The following SMAD2 variants were observed in gnomAD, a reference collection of about 807,000 sequenced individuals.
The protein encoded by SMAD2 is SMAD family member 2.
Under a neutral mutation model 64.4 loss-of-function variants are expected in SMAD2, and 8 were observed. The ratio of observed to expected loss-of-function variants is 0.12; its 90% CI spans 0.07 to 0.22. The LOEUF is 0.22. SMAD2 is among the 10% of genes least tolerant of loss of function. The pLI is 1.00. For synonymous variants in SMAD2, 203 were observed against 195.8 expected (o/e 1.04, Z -0.31); for missense variants, 289 against 561.2 (o/e 0.51, Z 4.90).
Position 47,838,753 on chromosome 18 carries a change from A to C in SMAD2, c.*3074T>G, listed in dbSNP as rs1430562533. 2.2e-5 allele frequency: 5 copies of C among 232,488 alleles called. No individual in the cohort carries two copies. The highest frequency in any genetic ancestry group is 1.1e-4 in the African/African-American group (5 of 45,318). The allele number at this position is 232,488 out of a possible 1,614,324, so 14.4% of individuals were successfully genotyped here. A position where few individuals can be genotyped will look rare whatever the true frequency, so the allele number is the denominator to read the frequency against. On this transcript the variant is annotated 3_prime_UTR_variant, in exon 11 of 11. Transcript: ENST00000262160. ...TCAGTACAGAATAAATATGCCACTA[A>C]GTCAGTGAGAACTCCAACAGCCTCC...
In SMAD2 at chr18:47,832,147, T is replaced by C. The variant is rs569392176; in HGVS notation, c.*9680A>G. The C allele has an allele frequency of 5.3e-5, 8 of 152,302 alleles. No homozygotes were observed. Among genetic ancestry groups the C allele is most frequent in the Middle Eastern group, 3.4e-3 (1 of 296 alleles). The allele number at this position is 152,302 out of a possible 1,614,324, so 9.4% of individuals were successfully genotyped here. ...GCCAAGTGGGGAGACAGCCCAAACA[T>C]AGACCTTAATACTTCTCTCATACTC... On this transcript the variant is annotated 3_prime_UTR_variant, in exon 11 of 11. Transcript: ENST00000262160.
At chr18:47,869,200 G>T (rs1173602219) in intron 4 of SMAD2, 43 bp downstream of exon 4, 3 of 1,412,048 alleles carry the variant, frequency 2.1e-6, no homozygotes, top group Non-Finnish European at 3.0e-6. Flanking sequence ...TGAAGTTCAG[G>T]CATTTAATTC....
intron 2 of SMAD2, among the ~76,000 whole-genome samples, chr18:47,890,797 G>C (rs1454035677): frequency 3.3e-5 from 5 of 152,136 alleles, no homozygotes; most frequent in African/African-American, 1.2e-4. Context: ...TGAGAAGAAA[G>C]AATTATCCTA....
rs1338177334 is a variant in SMAD2, at chr18:47,830,955, T to TA, written c.*10871_*10872insT. 6.9e-6 allele frequency: 1 copy of TA among 145,920 alleles called. No homozygotes were observed. The highest frequency in any genetic ancestry group is 1.5e-5 in the Non-Finnish European group (1 of 67,190). The allele number at this position is 145,920 out of a possible 1,614,324, so 9.0% of individuals were successfully genotyped here. On this transcript the variant is annotated 3_prime_UTR_variant, in exon 11 of 11. Coordinates refer to ENST00000262160, the MANE Select transcript of SMAD2 (RefSeq NM_005901.6). ...AGCAAAAAAGTTAACTAAGTTTCACTTAATACACACACACACACTAGGGTT... is the reference window on the plus strand; with the variant it reads ...AGCAAAAAAGTTAACTAAGTTTCACTATAATACACACACACACACTAGGGTT...
Position 47,825,166 on chromosome 18 carries a change from C to T in SMAD2, c.*16661G>A, listed in dbSNP as rs1000571387. On this transcript the variant is annotated 3_prime_UTR_variant, in exon 11 of 11. Coordinates refer to ENST00000262160, the MANE Select transcript of SMAD2 (RefSeq NM_005901.6). ...AAGATGAGCGTGGGGAAGGGAAGCC[C>T]ATTTAAACATATATTCAAGGAAAAA... is the stretch of plus-strand genomic sequence containing the variant. The T allele has an allele frequency of 1.3e-5, 2 of 152,124 alleles. No individual in the cohort carries two copies. The highest frequency in any genetic ancestry group is 2.4e-5 in the African/African-American group (1 of 41,400). The allele number at this position is 152,124 out of a possible 1,614,324, so 9.4% of individuals were successfully genotyped here.
At chr18:47,859,663 T>C (rs888621362) in intron 6 of SMAD2, among the ~76,000 whole-genome samples, 26 of 152,106 alleles carry the variant, frequency 1.7e-4, no homozygotes, top group African/African-American at 5.6e-4. Flanking sequence ...ATTTATAGCT[T>C]TAAATGTGTA....
Position 47,820,246 on chromosome 18 carries a change from T to C in SMAD2, c.*21581A>G, listed in dbSNP as rs1158289223. The C allele has an allele frequency of 1.3e-5, 2 of 152,216 alleles. No individual in the cohort carries two copies. The highest frequency in any genetic ancestry group is 2.9e-5 in the Non-Finnish European group (2 of 68,032). The allele number at this position is 152,216 out of a possible 1,614,324, so 9.4% of individuals were successfully genotyped here. On this transcript the variant is annotated 3_prime_UTR_variant, in exon 11 of 11. Coordinates refer to ENST00000262160, the MANE Select transcript of SMAD2 (RefSeq NM_005901.6). Reference sequence around the variant, plus strand: ...AAACATGTTTCTAAAAATTATAATATGGTTCTCATTTATAAAATGCTGATA... The same window carrying C: ...AAACATGTTTCTAAAAATTATAATACGGTTCTCATTTATAAAATGCTGATA...
At chr18:47,902,535 C>A (rs531998602) in intron 1 of SMAD2, among the ~76,000 whole-genome samples, 1 of 152,128 alleles carries the variant, frequency 6.6e-6, no homozygotes, top group East Asian at 1.9e-4. Flanking sequence ...GATTTGAGAA[C>A]AGGAAAAAAT....
chr18:47,869,559 G>C, intron 3 of SMAD2, 123 bp from the exon 4 acceptor site: 1 of 722,810 alleles, frequency 1.4e-6, no homozygotes, highest in Non-Finnish European at 2.3e-6. Flanking sequence ...CATTTAGTTA[G>C]TTTTAGTGAG....
At chr18:47,879,313 G>A (rs1188330011) in intron 2 of SMAD2, among the ~76,000 whole-genome samples, 1 of 152,090 alleles carries the variant, frequency 6.6e-6, no homozygotes, top group Non-Finnish European at 1.5e-5. Flanking sequence ...CATCACCCAT[G>A]TCCATTTCTC....
Position 47,892,020 on chromosome 18 carries a change from T to C in SMAD2, c.236+4501A>G, listed in dbSNP as rs796627320. The stretch of plus-strand genomic sequence containing the variant: ...TTAACATTTTTAGAAGTATGCTTTA[T>C]CAAGCTAAGAAAACTCTTATTTCTA... On this transcript the variant is annotated intron_variant, in intron 2 of 10. Transcript: ENST00000262160. Among the ~76,000 whole-genome samples the C allele has an allele frequency of 2.6e-5, 4 of 152,154 alleles. No homozygotes were observed. In the South Asian group the frequency reaches 8.3e-4, roughly 32 times the overall value.
chr18:47,862,139 C>T (rs1189812256), intron 6 of SMAD2, among the ~76,000 whole-genome samples: 1 of 152,090 alleles, frequency 6.6e-6, no homozygotes, highest in Non-Finnish European at 1.5e-5. Context: ...AATGTATTTT[C>T]TATTTATTTA....
At position 47,896,518 on chromosome 18, in the gene SMAD2, T is replaced by C. The variant is rs1005440841; in HGVS notation, c.236+3A>G. ...ATCAAACCTGGGATCTAACAAAACT[T>C]ACCTTGGTATGGTAACACATTTAGT... On this transcript the variant is annotated splice_donor_region_variant and intron_variant, in intron 2 of 10. Coordinates refer to ENST00000262160, the MANE Select transcript of SMAD2 (RefSeq NM_005901.6). 4.3e-6 allele frequency: 7 copies of C among 1,613,968 alleles called. No individual in the cohort carries two copies. The highest frequency in any genetic ancestry group is 5.9e-6 in the Non-Finnish European group (7 of 1,179,928).
At chr18:47,844,457 TTC>T (rs1038329579) in intron 10 of SMAD2, among the ~76,000 whole-genome samples, 1 of 152,230 alleles carries the variant, frequency 6.6e-6, no homozygotes, top group Non-Finnish European at 1.5e-5. Flanking sequence ...TCAAGAAGTC[TTC>T]TCTCTCTTTG....
chr18:47,909,447 AG>A (rs1376663219), intron 1 of SMAD2, among the ~76,000 whole-genome samples: 6 of 152,174 alleles, frequency 3.9e-5, no homozygotes, highest in African/African-American at 1.4e-4. Context: ...CTGAGGAGAA[AG>A]GGTATCTGCC....
chr18:47,846,637 G>A (rs142648214), intron 8 of SMAD2, among the ~76,000 whole-genome samples: 17 of 152,284 alleles, frequency 1.1e-4, no homozygotes, highest in Non-Finnish European at 1.9e-4. Context: ...AAGATGGATG[G>A]CACCATGTGA....
chr18:47,854,405 T>C (rs1324213060), intron 6 of SMAD2, among the ~76,000 whole-genome samples: 1 of 152,202 alleles, frequency 6.6e-6, no homozygotes, highest in Non-Finnish European at 1.5e-5. Context: ...AAATGTTTCA[T>C]CTCACTAAGA....
chr18:47,851,784 TTGA>T (rs1273743820), intron 6 of SMAD2, among the ~76,000 whole-genome samples: 1 of 152,174 alleles, frequency 6.6e-6, no homozygotes, highest in Non-Finnish European at 1.5e-5. Flanking sequence ...CGATCCCACA[TTGA>T]TGGATATTCA....
Position 47,838,928 on chromosome 18 carries a change from T to C in SMAD2, c.*2899A>G, listed in dbSNP as rs1251840075. ...TGTGAAGAATAAATCCTAAGTAATG[T>C]TGCTAATTTAAATAAAGACAAAAAT... On this transcript the variant is annotated 3_prime_UTR_variant, in exon 11 of 11. Transcript: ENST00000262160. 2 of 233,058 alleles carry C rather than the reference T, an allele frequency of 8.6e-6. No homozygotes were observed. Among genetic ancestry groups the C allele is most frequent in the Admixed American group, 5.6e-5 (1 of 17,768 alleles). 14.4% of individuals were successfully genotyped at this position (233,058 alleles called of 1,614,324 possible). A position where few individuals can be genotyped will look rare whatever the true frequency, so the allele number is the denominator to read the frequency against.
Sources: gnomAD v4.1 joint callset for allele counts (sites outside exome capture counted in the v4.1 genomes callset) on GRCh38, gnomAD v4.1.1 for gene constraint, MANE v1.5 for transcripts, NCBI Gene and HGNC (gene_info 2026-07-23, HGNC 2026-07-21) for gene names.